SP140: variants seen among roughly 807,000 people sequenced by gnomAD.
SP140 encodes SP140 nuclear body protein.
Under a neutral mutation model 125.0 loss-of-function variants are expected in SP140, and 81 were observed. That is an observed-to-expected ratio of 0.65 (90% CI 0.54 to 0.78). SP140 has a LOEUF of 0.78. Ranked by LOEUF, SP140 falls within the 30% of genes least tolerant of loss-of-function variation. SP140 has a pLI of 0.00. For missense variants in SP140, 858 were observed against 1,037.0 expected (o/e 0.83, Z 2.37); for synonymous variants, 312 against 354.0 (o/e 0.88, Z 1.33).
intron 10 of SP140, 123 bp from the exon 11 acceptor site, chr2:230,253,193 G>T: frequency 2.9e-6 from 2 of 698,670 alleles, no homozygotes; most frequent in Admixed American, 2.4e-5. Context: ...GAAGGAGAAA[G>T]AGGAGATGTA....
chr2:230,217,076 T>G, intron 3 of SP140: 1 of 631,108 alleles, frequency 1.6e-6, no homozygotes, highest in Non-Finnish European at 2.8e-6. Context: ...TGAAACTCTG[T>G]CTCTACTAAA....
At chr2:230,191,440 T>C in the SP140 span, among the ~76,000 whole-genome samples, 1 of 152,048 alleles carries the variant, frequency 6.6e-6, no homozygotes, top group African/African-American at 2.4e-5. Flanking sequence ...ATAAAAATGA[T>C]AAGGGGGAAT....
chr2:230,260,147 G>T (rs4343458), intron 12 of SP140, among the ~76,000 whole-genome samples: 15,890 of 152,072 alleles, frequency 0.1, 953 homozygotes, highest in Admixed American at 0.12. Flanking sequence ...AAGGAGTGAG[G>T]TGGTATCGCA....
chr2:230,313,045 T>C lies in SP140; in HGVS notation c.*361T>C, dbSNP rs80273818. The C allele has an allele frequency of 3.3e-4, 72 of 221,122 alleles. No homozygotes were observed. In the East Asian group the frequency reaches 0.011, roughly 35 times the overall value. The allele number at this position is 221,122 out of a possible 1,614,324, so 13.7% of individuals were successfully genotyped here. A position where few individuals can be genotyped will look rare whatever the true frequency, so the allele number is the denominator to read the frequency against. On this transcript the variant is annotated 3_prime_UTR_variant, in exon 27 of 27. Coordinates refer to ENST00000392045, the MANE Select transcript of SP140 (RefSeq NM_007237.5). ...CAAGCTTTATTCAGGACACACTTCT[T>C]GCCTTCACTTTCCCACTTCCGTGGC... is the stretch of plus-strand genomic sequence containing the variant.
upstream of SP140, chr2:230,221,664 G>A: frequency 4.6e-6 from 7 of 1,529,246 alleles, no homozygotes; most frequent in Non-Finnish European, 5.3e-6. Flanking sequence ...CGGTGGTAAA[G>A]GAATTAAGGT....
At chr2:230,238,512 T>C in intron 3 of SP140, 131 bp downstream of exon 3, 1 of 935,060 alleles carries the variant, frequency 1.1e-6, no homozygotes, top group Non-Finnish European at 1.6e-6. Flanking sequence ...AGGGGGAATA[T>C]AATGATGAAA....
At chr2:230,252,738 C>T (rs551484664) in intron 10 of SP140, among the ~76,000 whole-genome samples, 6 of 150,550 alleles carry the variant, frequency 4.0e-5, no homozygotes, top group South Asian at 2.1e-4. Flanking sequence ...AGGATATTAT[C>T]GCAAAGGCAA....
intron 1 of SP140, among the ~76,000 whole-genome samples, chr2:230,231,308 G>T (rs1411777767): frequency 6.6e-6 from 1 of 152,102 alleles, no homozygotes; most frequent in Non-Finnish European, 1.5e-5. Flanking sequence ...TTGCCTTTTG[G>T]CATGTCTTAT....
At chr2:230,236,010 G>C (rs1288147818) in intron 1 of SP140, among the ~76,000 whole-genome samples, 1 of 151,632 alleles carries the variant, frequency 6.6e-6, no homozygotes, top group African/African-American at 2.4e-5. Context: ...TCGAGTAGCT[G>C]GGACTACAGG....
At chr2:230,200,614 T>C (rs780763421), upstream of SP140, 20 of 500,848 alleles carry the variant, frequency 4.0e-5, no homozygotes, top group Admixed American at 2.0e-4. Context: ...TTGCTGCCAG[T>C]AGTGGAAAAA....
At position 230,312,994 on chromosome 2, in the gene SP140, A is replaced by G; in HGVS notation, c.*310A>G. 3.6e-6 allele frequency: 1 copy of G among 278,112 alleles called. No homozygotes were observed. The highest frequency in any genetic ancestry group is 6.9e-6 in the Non-Finnish European group (1 of 145,932). 17.2% of individuals were successfully genotyped at this position (278,112 alleles called of 1,614,324 possible). On this transcript the variant is annotated 3_prime_UTR_variant, in exon 27 of 27. Transcript: ENST00000392045. ...CTGCTCCAGACAACATTTATTACCC[A>G]GAAGACCTTTTGTCTGAAAACCAGC...
chr2:230,272,791 A>G (rs2054135259), intron 15 of SP140, among the ~76,000 whole-genome samples: 1 of 152,180 alleles, frequency 6.6e-6, no homozygotes, highest in African/African-American at 2.4e-5. Flanking sequence ...ATAAGACCAA[A>G]CACCTACAAC....
upstream of SP140, among the ~76,000 whole-genome samples, chr2:230,223,146 C>T (rs1365111329): frequency 1.3e-5 from 2 of 151,850 alleles, no homozygotes; most frequent in Non-Finnish European, 2.9e-5. Context: ...AAGTGATTCT[C>T]TTTCCTCAGC....
intron 15 of SP140, among the ~76,000 whole-genome samples, chr2:230,282,643 A>G (rs750302946): frequency 6.6e-6 from 1 of 152,104 alleles, no homozygotes; most frequent in Non-Finnish European, 1.5e-5. Flanking sequence ...ACACACACAC[A>G]CGTACCCACA....
At chr2:230,241,981 A>G (rs2048793857) in intron 4 of SP140, among the ~76,000 whole-genome samples, 1 of 152,128 alleles carries the variant, frequency 6.6e-6, no homozygotes, top group Admixed American at 6.6e-5. Flanking sequence ...GGATATGGAG[A>G]GAGAGGGGAG....
At chr2:230,281,034 A>C (rs142433131) in intron 15 of SP140, among the ~76,000 whole-genome samples, 2 of 152,172 alleles carry the variant, frequency 1.3e-5, no homozygotes, top group African/African-American at 4.8e-5. Flanking sequence ...GGTGATTACT[A>C]TATTATTTCC....
intron 15 of SP140, among the ~76,000 whole-genome samples, chr2:230,274,371 A>G (rs1050641632): frequency 1.3e-5 from 2 of 152,228 alleles, no homozygotes; most frequent in Non-Finnish European, 2.9e-5. Context: ...CACTAAAGTC[A>G]GAGAACATAT....
At chr2:230,309,280 C>A (rs1249504877) in intron 22 of SP140, among the ~76,000 whole-genome samples, 1 of 152,214 alleles carries the variant, frequency 6.6e-6, no homozygotes, top group Non-Finnish European at 1.5e-5. Context: ...TCGCACCTTA[C>A]AATCCAAGTT....
Position 230,237,230 on chromosome 2 carries a change from C to T in SP140, c.207C>T (p.Asp69=), listed in dbSNP as rs905399753. 4.3e-6 allele frequency: 7 copies of T among 1,612,150 alleles called. No individual in the cohort carries two copies. The highest frequency in any genetic ancestry group is 1.7e-4 in the Middle Eastern group (1 of 6,046). The stretch of plus-strand genomic sequence containing the variant: ...TTCCTTTCCTTATGGGCCTCCGAGA[C>T]CGCTCCTTCATCTCCGAGCAGATGT... The part of the protein sequence containing the change: ...RPFPFLMGLR[D]RSFISEQMYE... The change falls in exon 2 of 27, where the codon GAC becomes GAT. Residue 69 remains aspartate (D), a synonymous_variant. Transcript: ENST00000392045. The surrounding 1 kb of genome is among the most constrained non-coding windows in gnomAD (Gnocchi z 5.4).
Sources: allele counts gnomAD v4.1 joint callset (sites outside exome capture counted in the v4.1 genomes callset), GRCh38; gene constraint gnomAD v4.1.1; non-coding constraint Gnocchi (gnomAD v3.1); transcripts MANE v1.5; gene names NCBI Gene and HGNC (gene_info 2026-07-23, HGNC 2026-07-21).